UGGT1: variants seen among roughly 807,000 people sequenced by gnomAD.
UGGT1 encodes UDP-glucose glycoprotein glucosyltransferase 1.
In UGGT1, 107 loss-of-function variants were observed where a neutral mutation model predicts 203.9. The observed-to-expected ratio is 0.52, with a 90% CI of 0.45 to 0.62. The LOEUF is 0.62. UGGT1 is among the 20% of genes least tolerant of loss of function. UGGT1 has a pLI of 0.00. For synonymous variants in UGGT1, 628 were observed against 653.5 expected (o/e 0.96, Z 0.59); for missense variants, 1,673 against 1,867.2 (o/e 0.90, Z 1.92).
chr2:128,091,585 C>G lies in UGGT1; in HGVS notation c.58+170C>G, dbSNP rs934045824. 5 of 1,439,440 alleles carry G rather than the reference C, an allele frequency of 3.5e-6. No individual in the cohort carries two copies. The Admixed American group carries it at 8.7e-5, about 25-fold the overall frequency. 89.2% of individuals were successfully genotyped at this position (1,439,440 alleles called of 1,614,324 possible). On this transcript the variant is annotated intron_variant, in intron 1 of 40. Coordinates refer to ENST00000259253, the MANE Select transcript of UGGT1 (RefSeq NM_020120.4). ...AGCGCCCCGAGTTGCCCTCAGTGGT[C>G]TTCTTGGCAAGGTATCGCTTCCGCG...
At chr2:128,169,030 T>G (rs1690945686) in intron 26 of UGGT1, among the ~76,000 whole-genome samples, 2 of 105,974 alleles carry the variant, frequency 1.9e-5, no homozygotes, top group African/African-American at 3.7e-5. Context: ...CCTGGGTGAA[T>G]GAGCGAGACT....
intron 37 of UGGT1, among the ~76,000 whole-genome samples, chr2:128,182,694 A>G (rs890026213): frequency 1.1e-5 from 1 of 91,470 alleles, no homozygotes; most frequent in African/African-American, 4.3e-5. Flanking sequence ...GTGAGATTCC[A>G]TCTCAAAAAA....
chr2:128,184,497 T>TAA (rs776821761), intron 38 of UGGT1, among the ~76,000 whole-genome samples: 1 of 152,158 alleles, frequency 6.6e-6, no homozygotes, highest in Non-Finnish European at 1.5e-5. Context: ...ACTAGAACAT[T>TAA]ATCAGCATCC....
chr2:128,094,412 A>G (rs1307508182), intron 1 of UGGT1, among the ~76,000 whole-genome samples: 2 of 152,222 alleles, frequency 1.3e-5, no homozygotes, highest in Non-Finnish European at 2.9e-5. Context: ...ATGTTTTACT[A>G]CAACAATCAA....
chr2:128,192,239 T>G lies in UGGT1; in HGVS notation c.*2497T>G, dbSNP rs1390853652. The G allele has an allele frequency of 2.6e-5, 4 of 151,248 alleles. No homozygotes were observed. Among genetic ancestry groups the G allele is most frequent in the Non-Finnish European group, 4.4e-5 (3 of 67,902 alleles). The allele number at this position is 151,248 out of a possible 1,614,324, so 9.4% of individuals were successfully genotyped here. A position where few individuals can be genotyped will look rare whatever the true frequency, so the allele number is the denominator to read the frequency against. ...TGCAAAACCCAGCTTGCTTCCAGAA[T>G]GGCCTAGGACCCTCCTCCTCCTGCC... On this transcript the variant is annotated 3_prime_UTR_variant, in exon 41 of 41. Coordinates refer to ENST00000259253, the MANE Select transcript of UGGT1 (RefSeq NM_020120.4).
Position 128,143,259 on chromosome 2 carries a change from C to T in UGGT1, c.1851+34C>T, listed in dbSNP as rs759021718. On this transcript the variant is annotated intron_variant, in intron 17 of 40. Coordinates refer to ENST00000259253, the MANE Select transcript of UGGT1 (RefSeq NM_020120.4). ...TTTCTTTGTGTTTCTTATTTGATTGCAACATTGTACTGTCCTTAACCCCGT... is the reference window on the plus strand; with the variant it reads ...TTTCTTTGTGTTTCTTATTTGATTGTAACATTGTACTGTCCTTAACCCCGT... 6 of 1,607,588 alleles carry T rather than the reference C, an allele frequency of 3.7e-6. No homozygotes were observed. In the Admixed American group the frequency reaches 5.0e-5, roughly 14 times the overall value.
At chr2:128,166,777 T>C (rs1358032376) in intron 26 of UGGT1, among the ~76,000 whole-genome samples, 1 of 152,224 alleles carries the variant, frequency 6.6e-6, no homozygotes. Flanking sequence ...AGCTGGCAAG[T>C]ATATACATAT....
At chr2:128,168,982 G>T (rs1314771681) in intron 26 of UGGT1, among the ~76,000 whole-genome samples, 1 of 148,570 alleles carries the variant, frequency 6.7e-6, no homozygotes, top group Non-Finnish European at 1.5e-5. Flanking sequence ...GGGAGGTGGA[G>T]GTTGCAGTGA....
chr2:128,165,385 C>A (rs1030549589), intron 26 of UGGT1, among the ~76,000 whole-genome samples: 1 of 152,140 alleles, frequency 6.6e-6, no homozygotes, highest in African/African-American at 2.4e-5. Flanking sequence ...CAGACTGAGA[C>A]CCTGTCTCAC....
At position 128,193,178 on chromosome 2, in the gene UGGT1, A is replaced by T. The variant is rs1348738363; in HGVS notation, c.*3436A>T. On this transcript the variant is annotated 3_prime_UTR_variant, in exon 41 of 41. Coordinates refer to ENST00000259253, the MANE Select transcript of UGGT1 (RefSeq NM_020120.4). ...GCAATAGAGCGAGACTCCGTCTCAA[A>T]AAAAAAAAAAAAAAAAAAAAAAAAA... is the stretch of plus-strand genomic sequence containing the variant. The T allele has an allele frequency of 3.4e-5, 2 of 59,378 alleles. No individual in the cohort carries two copies. The highest frequency in any genetic ancestry group is 7.2e-5 in the Non-Finnish European group (2 of 27,868). 3.7% of individuals were successfully genotyped at this position (59,378 alleles called of 1,614,324 possible). A position where few individuals can be genotyped will look rare whatever the true frequency, so the allele number is the denominator to read the frequency against.
intron 11 of UGGT1, among the ~76,000 whole-genome samples, chr2:128,124,773 T>G (rs1010316653): frequency 2.6e-5 from 4 of 151,652 alleles, no homozygotes; most frequent in African/African-American, 7.3e-5. Context: ...TTTTCAGGGG[T>G]TTTTTTTGTT....
intron 10 of UGGT1, among the ~76,000 whole-genome samples, chr2:128,122,866 G>A (rs1463589194): frequency 6.6e-6 from 1 of 152,144 alleles, no homozygotes; most frequent in East Asian, 1.9e-4. Flanking sequence ...TGCTGCCTTG[G>A]TGTATTCAAC....
chr2:128,173,312 G>A (rs1201078933), intron 29 of UGGT1, among the ~76,000 whole-genome samples: 2 of 152,148 alleles, frequency 1.3e-5, no homozygotes, highest in African/African-American at 2.4e-5. Context: ...CTTTTTGGTT[G>A]TTATGAATAA....
At chr2:128,172,908 A>G (rs1424753763) in intron 29 of UGGT1, 146 bp downstream of exon 29, 2 of 754,618 alleles carry the variant, frequency 2.7e-6, no homozygotes, top group African/African-American at 1.8e-5. Context: ...CTCATATACC[A>G]TAAAATTCTC....
chr2:128,116,686 G>A (rs993622555), intron 8 of UGGT1, among the ~76,000 whole-genome samples: 1 of 151,808 alleles, frequency 6.6e-6, no homozygotes, highest in African/African-American at 2.4e-5. Flanking sequence ...CACCACACCC[G>A]GCTAATTTTT....
chr2:128,131,141 G>C (rs1688856544), intron 13 of UGGT1, among the ~76,000 whole-genome samples: 1 of 149,646 alleles, frequency 6.7e-6, no homozygotes, highest in Admixed American at 6.8e-5. Context: ...GCTGAGGCAG[G>C]AGAATTGCTT....
At position 128,161,257 on chromosome 2, in the gene UGGT1, A is replaced by G. The variant is rs1362377352; in HGVS notation, c.2814A>G (p.Val938=). The G allele has an allele frequency of 2.5e-6, 4 of 1,613,572 alleles. No homozygotes were observed. The highest frequency in any genetic ancestry group is 3.4e-6 in the Non-Finnish European group (4 of 1,179,790). ...AATCTCATATTCAACAGCTTCGGGTAGAAGAAGATGTGTAAGTTTTGCCAT... is the reference window on the plus strand; with the variant it reads ...AATCTCATATTCAACAGCTTCGGGTGGAAGAAGATGTGTAAGTTTTGCCAT... ...KIKSHIQQLR[V]EEDVASDLVM... Residue 938 remains valine (V), a synonymous_variant, in exon 25 of 41, where the codon GTA becomes GTG. Transcript: ENST00000259253.
At chr2:128,162,714 G>T (rs931324287) in intron 25 of UGGT1, among the ~76,000 whole-genome samples, 1 of 152,106 alleles carries the variant, frequency 6.6e-6, no homozygotes, top group African/African-American at 2.4e-5. Context: ...CTCGTGACTC[G>T]AAGCAGCCAT....
chr2:128,126,657 T>C (rs993158998), intron 11 of UGGT1, among the ~76,000 whole-genome samples: 3 of 151,044 alleles, frequency 2.0e-5, no homozygotes, highest in Admixed American at 1.3e-4. Context: ...TAGAAATAGA[T>C]ATGCTATTCA....
Sources: allele counts gnomAD v4.1 joint callset (sites outside exome capture counted in the v4.1 genomes callset), GRCh38; gene constraint gnomAD v4.1.1; transcripts MANE v1.5; gene names NCBI Gene and HGNC (gene_info 2026-07-23, HGNC 2026-07-21).